COL26A1: variants seen among roughly 807,000 people sequenced by gnomAD.
COL26A1 encodes collagen alpha-1(XXVI) chain.
A neutral mutation model predicts 59.3 loss-of-function variants in COL26A1; 41 were observed. The observed-to-expected ratio is 0.69, with a 90% CI of 0.54 to 0.90. The LOEUF (loss-of-function observed/expected upper bound fraction) is 0.90. Ranked by LOEUF, COL26A1 falls within the 40% of genes least tolerant of loss-of-function variation. The pLI, the probability that COL26A1 is intolerant of heterozygous loss-of-function variation, is 0.00. For missense variants in COL26A1, 612 were observed against 602.3 expected, an observed-to-expected ratio of 1.02 and a Z score of -0.17; for synonymous variants, 266 against 256.0, an observed-to-expected ratio of 1.04 and a Z score of -0.37.
At chr7:101,387,672 T>C (rs887995491) in intron 1 of COL26A1, among the ~76,000 whole-genome samples, 12 of 142,128 alleles carry the variant, frequency 8.4e-5, no homozygotes, top group Non-Finnish European at 1.8e-4. Context: ...TACATACATA[T>C]ATATATAAAG....
intron 3 of COL26A1, among the ~76,000 whole-genome samples, chr7:101,493,486 C>A (rs1794512238): frequency 6.6e-6 from 1 of 152,096 alleles, no homozygotes; most frequent in Admixed American, 6.6e-5. Context: ...TCACCTTGGC[C>A]AGGGCTCTTC....
Position 101,366,474 on chromosome 7 carries a change from ATTTTTTTTTTTTTTTTTT to A in COL26A1, c.158+3310_158+3327del, listed in dbSNP as rs869149636. Among the ~76,000 whole-genome samples the A allele has an allele frequency of 3.8e-4, 29 of 76,274 alleles. 2 individuals are homozygous for A. Among genetic ancestry groups the A allele is most frequent in the Middle Eastern group, 0.02 (2 of 102 alleles). 50.0% of individuals were successfully genotyped at this position (76,274 alleles called of 152,430 possible). A position where few individuals can be genotyped will look rare whatever the true frequency, so the allele number is the denominator to read the frequency against. ...TGTTACTGCTCCTTGTTAACGTCTG[ATTTTTTTTTTTTTTTTTT>A]TTTTTTTTTTTTTTTTTTTTTTTTT... On this transcript the variant is annotated intron_variant, in intron 1 of 12. Transcript: ENST00000313669.
intron 3 of COL26A1, among the ~76,000 whole-genome samples, chr7:101,513,918 A>T (rs1205973211): frequency 6.6e-6 from 1 of 152,170 alleles, no homozygotes; most frequent in Non-Finnish European, 1.5e-5. Context: ...AAAAGACAGA[A>T]CAACCTAATA....
intron 3 of COL26A1, among the ~76,000 whole-genome samples, chr7:101,477,158 T>G (rs1294089666): frequency 1.3e-5 from 2 of 152,220 alleles, no homozygotes; most frequent in African/African-American, 2.4e-5. Flanking sequence ...GTTACTTTTT[T>G]GTAAGGGTTA....
chr7:101,527,249 G>A (rs1342811280), intron 3 of COL26A1, among the ~76,000 whole-genome samples: 1 of 152,188 alleles, frequency 6.6e-6, no homozygotes, highest in South Asian at 2.1e-4. Context: ...GGGATGACAC[G>A]CATGAGCCAC....
intron 1 of COL26A1, among the ~76,000 whole-genome samples, chr7:101,377,340 G>T (rs1791342256): frequency 6.6e-6 from 1 of 152,094 alleles, no homozygotes; most frequent in Non-Finnish European, 1.5e-5. Context: ...GTCCCAGACA[G>T]TGTGAGAGCA....
At chr7:101,412,807 G>A (rs1278925944) in intron 1 of COL26A1, among the ~76,000 whole-genome samples, 1 of 152,154 alleles carries the variant, frequency 6.6e-6, no homozygotes, top group African/African-American at 2.4e-5. Flanking sequence ...CAACACCACT[G>A]GCTTGTCCTT....
intron 10 of COL26A1, 123 bp downstream of exon 10, chr7:101,551,266 C>T (rs1795857229): frequency 2.0e-6 from 2 of 1,019,580 alleles, no homozygotes; most frequent in Non-Finnish European, 2.9e-6. Context: ...TGCTGGAGCT[C>T]AGGCAACAGG....
At position 101,385,353 on chromosome 7, in the gene COL26A1, GTATATATATGTGTGTATA is replaced by G. The variant is rs1487726235; in HGVS notation, c.158+22173_158+22190del. On this transcript the variant is annotated intron_variant, in intron 1 of 12. Coordinates refer to ENST00000313669, the MANE Select transcript of COL26A1 (RefSeq NM_001278563.3). ...ACTAAATATGTATATATATATATGTGTATATATATGTGTGTATATATATATATATATATTTGTGACGGA... is the reference window on the plus strand; with the variant it reads ...ACTAAATATGTATATATATATATGTGTATATATATATATATTTGTGACGGA... 2.3e-3 allele frequency among the ~76,000 whole-genome samples: 306 copies of G among 131,112 alleles called. 1 individual carries two copies. The highest frequency in any genetic ancestry group is 3.9e-3 in the Non-Finnish European group (229 of 58,140). 86.0% of individuals were successfully genotyped at this position (131,112 alleles called of 152,430 possible). A position where few individuals can be genotyped will look rare whatever the true frequency, so the allele number is the denominator to read the frequency against.
intron 3 of COL26A1, among the ~76,000 whole-genome samples, chr7:101,531,400 A>G (rs1184959561): frequency 6.6e-6 from 1 of 152,248 alleles, no homozygotes; most frequent in African/African-American, 2.4e-5. Flanking sequence ...GCCTGGTCCC[A>G]GAGTCAGAAA....
rs1274752006 is a variant in COL26A1 at position 101,545,397 on chromosome 7, C to A, written c.763C>A (p.Pro255Thr). 6.2e-7 allele frequency: 1 copy of A among 1,604,342 alleles called. No individual in the cohort carries two copies. Among genetic ancestry groups the A allele is most frequent in the Non-Finnish European group, 8.5e-7 (1 of 1,176,792 alleles). ...LPGEMGRPGPPGPPGPAGNPG... is the reference protein window; with the variant it reads ...LPGEMGRPGPTGPPGPAGNPG... ...TGGAGAGATGGGGCGCCCCGGCCCC[C>A]CAGGACCACCCGGCCCAGCAGGCAA... Residue 255 changes from proline (P) to threonine (T), a missense_variant, in exon 7 of 13, where the codon CCA becomes ACA. Coordinates refer to ENST00000313669, the MANE Select transcript of COL26A1 (RefSeq NM_001278563.3).
intron 3 of COL26A1, among the ~76,000 whole-genome samples, chr7:101,501,217 G>GAAAA (rs111556828): frequency 6.2e-4 from 70 of 112,886 alleles, no homozygotes; most frequent in Middle Eastern, 5.6e-3. Flanking sequence ...GAAAAGAAAA[G>GAAAA]AAAAAAAAAA....
intron 1 of COL26A1, among the ~76,000 whole-genome samples, chr7:101,370,448 G>A (rs1307261376): frequency 1.3e-5 from 2 of 151,788 alleles, no homozygotes; most frequent in African/African-American, 4.8e-5. Flanking sequence ...TTAGCTCACT[G>A]CAACCTCCGC....
intron 2 of COL26A1, among the ~76,000 whole-genome samples, chr7:101,432,863 T>C (rs1451140333): frequency 6.6e-6 from 1 of 151,914 alleles, no homozygotes; most frequent in Non-Finnish European, 1.5e-5. Context: ...CCACCACACC[T>C]GGCTAATTTT....
chr7:101,405,688 C>T (rs1037786883), intron 1 of COL26A1, among the ~76,000 whole-genome samples: 36 of 152,258 alleles, frequency 2.4e-4, no homozygotes, highest in African/African-American at 8.7e-4. Context: ...CGCTTGGCAC[C>T]ATCTCTCCCC....
At chr7:101,547,698 G>A (rs1213658818) in intron 8 of COL26A1, among the ~76,000 whole-genome samples, 1 of 152,182 alleles carries the variant, frequency 6.6e-6, no homozygotes, top group Non-Finnish European at 1.5e-5. Context: ...TGCCCGGGAA[G>A]GGAGTCATTC....
chr7:101,545,408 C>T lies in COL26A1; in HGVS notation c.774C>T (p.Pro258=), dbSNP rs369000115. Residue 258 remains proline, a synonymous_variant, in exon 7 of 13, where the codon CCC becomes CCT. Coordinates refer to ENST00000313669, the MANE Select transcript of COL26A1 (RefSeq NM_001278563.3). ...GGCGCCCCGGCCCCCCAGGACCACCCGGCCCAGCAGGCAACCCAGGCCCCT... is the reference window on the plus strand; with the variant it reads ...GGCGCCCCGGCCCCCCAGGACCACCTGGCCCAGCAGGCAACCCAGGCCCCT... ...EMGRPGPPGP[P]GPAGNPGPSP... 44 of 1,606,590 alleles carry T rather than the reference C, an allele frequency of 2.7e-5. No homozygotes were observed. In the African/African-American group the frequency reaches 4.3e-4, roughly 16 times the overall value.
intron 3 of COL26A1, among the ~76,000 whole-genome samples, chr7:101,530,355 G>A (rs2130633309): frequency 6.6e-6 from 1 of 151,896 alleles, no homozygotes; most frequent in Admixed American, 6.6e-5. Context: ...GATCCCTTGA[G>A]GTCAGAAGTT....
intron 2 of COL26A1, among the ~76,000 whole-genome samples, chr7:101,431,149 T>C (rs1210892637): frequency 6.6e-6 from 1 of 152,198 alleles, no homozygotes. Flanking sequence ...GCTAGACTTG[T>C]AGCACTATGT....
Sources: allele counts gnomAD v4.1 joint callset (sites outside exome capture counted in the v4.1 genomes callset), GRCh38; gene constraint gnomAD v4.1.1; transcripts MANE v1.5; gene names NCBI Gene and HGNC (gene_info 2026-07-23, HGNC 2026-07-21).